ARFIP1: variants seen among roughly 807,000 people sequenced by gnomAD.
ARFIP1 encodes ARF interacting protein 1.
A neutral mutation model predicts 42.5 loss-of-function variants in ARFIP1; 24 were observed. The ratio of observed to expected loss-of-function variants is 0.57; its 90% CI spans 0.41 to 0.80. The LOEUF is 0.80. Ranked by LOEUF, ARFIP1 falls within the 30% of genes least tolerant of loss-of-function variation. The pLI is 0.00. For missense variants in ARFIP1, 354 were observed against 434.0 expected, an observed-to-expected ratio of 0.82 and a Z score of 1.64; for synonymous variants, 141 against 153.7, an observed-to-expected ratio of 0.92 and a Z score of 0.61.
intron 8 of ARFIP1, among the ~76,000 whole-genome samples, chr4:152,906,601 A>G (rs1738378321): frequency 6.6e-6 from 1 of 152,208 alleles, no homozygotes; most frequent in Non-Finnish European, 1.5e-5. Flanking sequence ...TTATTGCTGT[A>G]ATATTCTAAT....
chr4:152,785,689 C>G (rs1029118944), intron 1 of ARFIP1, among the ~76,000 whole-genome samples: 2 of 152,154 alleles, frequency 1.3e-5, no homozygotes, highest in Admixed American at 1.3e-4. Context: ...ATCTCTCCAC[C>G]CACCACACCT....
In ARFIP1 at chr4:152,795,820, A is replaced by AT. The variant is rs56845391; in HGVS notation, c.-10+15626dup. On this transcript the variant is annotated intron_variant, in intron 1 of 8. Coordinates refer to ENST00000353617, the MANE Select transcript of ARFIP1 (RefSeq NM_001025595.3). Reference sequence around the variant, plus strand: ...CGATTGTTACTTGAGGGCCCTTGTAATTTTTTTTTTTTTTTTTTTTTTTTT... The same window carrying AT: ...CGATTGTTACTTGAGGGCCCTTGTAATTTTTTTTTTTTTTTTTTTTTTTTTT... Among the ~76,000 whole-genome samples, 60 of 28,054 alleles carry AT rather than the reference A, an allele frequency of 2.1e-3. 1 individual carries two copies. Among genetic ancestry groups the AT allele is most frequent in the African/African-American group, 5.1e-3 (33 of 6,512 alleles). 18.4% of individuals were successfully genotyped at this position (28,054 alleles called of 152,430 possible). A position where few individuals can be genotyped will look rare whatever the true frequency, so the allele number is the denominator to read the frequency against.
chr4:152,784,883 C>G (rs1439285723), intron 1 of ARFIP1, among the ~76,000 whole-genome samples: 1 of 152,162 alleles, frequency 6.6e-6, no homozygotes, highest in Non-Finnish European at 1.5e-5. Flanking sequence ...ACTAGCAGCT[C>G]CTTGATGTTG....
chr4:152,792,945 T>TA (rs1203050621), intron 1 of ARFIP1, among the ~76,000 whole-genome samples: 3 of 152,134 alleles, frequency 2.0e-5, no homozygotes, highest in South Asian at 4.1e-4. Flanking sequence ...TGTTAGCAAA[T>TA]ACCTCTGGCT....
intron 8 of ARFIP1, among the ~76,000 whole-genome samples, chr4:152,889,590 CATAA>C (rs1217980099): frequency 6.4e-5 from 7 of 108,638 alleles, no homozygotes; most frequent in East Asian, 4.8e-4. Flanking sequence ...TATATATACA[CATAA>C]ATATATATAT....
At chr4:152,898,022 C>T (rs944421969) in intron 8 of ARFIP1, among the ~76,000 whole-genome samples, 11 of 132,128 alleles carry the variant, frequency 8.3e-5, no homozygotes, top group Admixed American at 2.7e-4. Context: ...CTCGCTCTGT[C>T]GCCCAGGCTG....
At chr4:152,904,332 C>T (rs1738119042) in intron 8 of ARFIP1, among the ~76,000 whole-genome samples, 1 of 151,852 alleles carries the variant, frequency 6.6e-6, no homozygotes, top group Non-Finnish European at 1.5e-5. Flanking sequence ...GCTGGGACTA[C>T]AGGTGCGTGC....
Position 152,829,728 on chromosome 4 carries a change from T to C in ARFIP1, c.93+2T>C. On this transcript the variant is annotated splice_donor_variant, in intron 2 of 8. Transcript: ENST00000353617. LOFTEE classifies it high-confidence loss of function. The stretch of plus-strand genomic sequence containing the variant: ...TCTCGTGAACATAGCTTTAATAGGG[T>C]AAGAACACTTTTCTTTCTCTTAATG... 6.3e-7 allele frequency: 1 copy of C among 1,582,494 alleles called. No individual in the cohort carries two copies. The highest frequency in any genetic ancestry group is 8.6e-7 in the Non-Finnish European group (1 of 1,162,084).
rs1734279045 is a variant in ARFIP1, at chr4:152,865,855, A to T, written c.202+2141A>T. ...CAACATAGAATAAAAAACTAATTTTACTATTAAGATATTTTAAATATATAT... is the reference window on the plus strand; with the variant it reads ...CAACATAGAATAAAAAACTAATTTTTCTATTAAGATATTTTAAATATATAT... On this transcript the variant is annotated intron_variant, in intron 3 of 8. Transcript: ENST00000353617. 1.3e-5 allele frequency among the ~76,000 whole-genome samples: 2 copies of T among 152,080 alleles called. 1 individual carries two copies. The highest frequency in any genetic ancestry group is 4.1e-4 in the South Asian group (2 of 4,828).
intron 5 of ARFIP1, among the ~76,000 whole-genome samples, chr4:152,875,993 G>A (rs575942571): frequency 3.8e-4 from 57 of 151,968 alleles, no homozygotes; most frequent in Non-Finnish European, 6.0e-4. Flanking sequence ...AGTACCTTTC[G>A]CCTCCTGCCA....
At chr4:152,843,328 G>A (rs1301330866) in intron 2 of ARFIP1, among the ~76,000 whole-genome samples, 1 of 152,116 alleles carries the variant, frequency 6.6e-6, no homozygotes, top group African/African-American at 2.4e-5. Context: ...GGTGGCAGAG[G>A]GTGCAATGGA....
intron 6 of ARFIP1, among the ~76,000 whole-genome samples, chr4:152,881,751 T>C (rs1735864816): frequency 6.6e-6 from 1 of 152,196 alleles, no homozygotes. Flanking sequence ...CATGGACATC[T>C]CTTAAATGGA....
chr4:152,830,741 A>G (rs1257847976), intron 2 of ARFIP1, among the ~76,000 whole-genome samples: 1 of 152,142 alleles, frequency 6.6e-6, no homozygotes, highest in East Asian at 1.9e-4. Flanking sequence ...TCTTCCTACT[A>G]TTTAATAGAT....
rs959921278 is a variant in ARFIP1 at position 152,803,775 on chromosome 4, C to T, written c.-10+23549C>T. On this transcript the variant is annotated intron_variant, in intron 1 of 8. Transcript: ENST00000353617. ...AGGCTCTGGGATTAGCAGAAGACAG[C>T]CCTAATGATATAAATGGAGGTTAAT... Among the ~76,000 whole-genome samples, 7 of 151,616 alleles carry T rather than the reference C, an allele frequency of 4.6e-5. No homozygotes were observed. In the South Asian group the frequency reaches 1.5e-3, roughly 31 times the overall value.
At chr4:152,780,727 C>A (rs1310567408) in intron 1 of ARFIP1, among the ~76,000 whole-genome samples, 1 of 152,198 alleles carries the variant, frequency 6.6e-6, no homozygotes, top group Non-Finnish European at 1.5e-5. Context: ...CCAAGCCTGA[C>A]TAAGGAATGC....
intron 3 of ARFIP1, among the ~76,000 whole-genome samples, chr4:152,866,954 C>T (rs1385822971): frequency 6.6e-6 from 1 of 151,128 alleles, no homozygotes; most frequent in Non-Finnish European, 1.5e-5. Context: ...CGGGAAGAGG[C>T]GCTCCTCACT....
intron 5 of ARFIP1, among the ~76,000 whole-genome samples, chr4:152,877,890 C>T (rs755410903): frequency 1.1e-4 from 16 of 152,122 alleles, no homozygotes; most frequent in African/African-American, 2.9e-4. Flanking sequence ...TTTTGCCTCC[C>T]GCTATGATTC....
At chr4:152,887,007 A>G (rs978280909) in intron 7 of ARFIP1, among the ~76,000 whole-genome samples, 1 of 152,008 alleles carries the variant, frequency 6.6e-6, no homozygotes, top group Non-Finnish European at 1.5e-5. Flanking sequence ...TATTTAAAGT[A>G]TTGTTAATTC....
At chr4:152,874,145 GTTA>G (rs750521991) in intron 5 of ARFIP1, among the ~76,000 whole-genome samples, 9 of 151,990 alleles carry the variant, frequency 5.9e-5, no homozygotes, top group African/African-American at 7.2e-5. Flanking sequence ...GTGTTTATGT[GTTA>G]TTATCTGCTA....
Sources: allele counts gnomAD v4.1 joint callset (sites outside exome capture counted in the v4.1 genomes callset), GRCh38; gene constraint gnomAD v4.1.1; transcripts MANE v1.5; gene names NCBI Gene and HGNC (gene_info 2026-07-23, HGNC 2026-07-21).